The following KDM4C variants were observed in gnomAD, a reference collection of about 807,000 sequenced individuals.
KDM4C encodes the protein lysine-specific demethylase 4C.
A neutral mutation model predicts 129.3 loss-of-function variants in KDM4C; 81 were observed. The observed-to-expected ratio is 0.63, with a 90% CI of 0.52 to 0.75. The LOEUF (loss-of-function observed/expected upper bound fraction) is 0.75, where lower values mean the gene tolerates loss of function less well. Among genes scored for constraint, KDM4C ranks in the 30% least tolerant of loss-of-function variants. KDM4C has a pLI of 0.00. For missense variants in KDM4C, 1,457 were observed against 1,304.0 expected (o/e 1.12, Z -1.81); for synonymous variants, 573 against 456.1 (o/e 1.26, Z -3.26).
intron 8 of KDM4C, among the ~76,000 whole-genome samples, chr9:6,957,932 C>A (rs146270325): frequency 6.6e-6 from 1 of 152,052 alleles, no homozygotes; most frequent in African/African-American, 2.4e-5. Context: ...ACAGTGTTAT[C>A]GAAAGCCTGT....
intron 5 of KDM4C, among the ~76,000 whole-genome samples, chr9:6,867,265 C>G (rs1416411944): frequency 2.0e-5 from 3 of 152,078 alleles, no homozygotes; most frequent in African/African-American, 7.2e-5. Flanking sequence ...CCGCCCACCT[C>G]GGCCTCTGAA....
In KDM4C at chr9:7,055,224, A is replaced by G. The variant is rs140963289; in HGVS notation, c.2424+6024A>G. ...ATTTGGCATTGTTCATGGGTCACAA[A>G]TGCATCCGTCCTCACAGTGGTGTAG... On this transcript the variant is annotated intron_variant, in intron 17 of 21. Coordinates refer to ENST00000381309, the MANE Select transcript of KDM4C (RefSeq NM_015061.6). Among the ~76,000 whole-genome samples the G allele has an allele frequency of 2.4e-3, 371 of 152,300 alleles. 9 individuals carry two copies. In the East Asian group the frequency reaches 0.025, roughly 10 times the overall value.
chr9:7,110,052 C>T (rs1284202724), intron 18 of KDM4C, among the ~76,000 whole-genome samples: 1 of 152,176 alleles, frequency 6.6e-6, no homozygotes, highest in East Asian at 1.9e-4. Context: ...AACCTCTTTC[C>T]TTTGTAAATT....
chr9:6,795,721 G>A (rs1427135505), intron 2 of KDM4C, among the ~76,000 whole-genome samples: 2 of 151,626 alleles, frequency 1.3e-5, no homozygotes, highest in Non-Finnish European at 2.9e-5. Context: ...ACCCAAGCTG[G>A]AGTGCAGTGG....
chr9:6,737,811 G>A (rs958924309), intron 1 of KDM4C, among the ~76,000 whole-genome samples: 1 of 151,868 alleles, frequency 6.6e-6, no homozygotes, highest in African/African-American at 2.4e-5. Context: ...ACTCACACCA[G>A]TCAGAATGAC....
chr9:6,793,260 A>G lies in KDM4C; in HGVS notation c.144+128A>G. On this transcript the variant is annotated intron_variant, in intron 2 of 21. Coordinates refer to ENST00000381309, the MANE Select transcript of KDM4C (RefSeq NM_015061.6). ...GCAAAATCTTTGTTCTCGTTAATCC[A>G]TGTGAAACATTTGATTTCTTCAAAT... 4.8e-6 allele frequency: 4 copies of G among 840,294 alleles called. No homozygotes were observed. The South Asian group carries it at 7.1e-5, about 15-fold the overall frequency. 52.1% of individuals were successfully genotyped at this position (840,294 alleles called of 1,614,324 possible).
chr9:7,086,884 T>G (rs1835181068), intron 17 of KDM4C, among the ~76,000 whole-genome samples: 1 of 152,180 alleles, frequency 6.6e-6, no homozygotes, highest in East Asian at 1.9e-4. Context: ...TCCTGTCCCC[T>G]CTCCTTCACA....
At chr9:6,910,076 A>G (rs1819008940) in intron 8 of KDM4C, among the ~76,000 whole-genome samples, 1 of 152,218 alleles carries the variant, frequency 6.6e-6, no homozygotes, top group African/African-American at 2.4e-5. Context: ...TTGAAGCTGA[A>G]TATAAAATGT....
Position 7,007,279 on chromosome 9 carries a change from C to CT in KDM4C, c.1787-4417dup, listed in dbSNP as rs557001715. 5.3e-5 allele frequency among the ~76,000 whole-genome samples: 8 copies of CT among 152,302 alleles called. No individual in the cohort carries two copies. The East Asian group carries it at 1.5e-3, about 29-fold the overall frequency. Reference sequence around the variant, plus strand: ...TCATGGTTTTCTTGACTGCATGTTACTTGCTACAAGGAATGACAATGTTTT... The same window carrying CT: ...TCATGGTTTTCTTGACTGCATGTTACTTTGCTACAAGGAATGACAATGTTTT... On this transcript the variant is annotated intron_variant, in intron 12 of 21. Coordinates refer to ENST00000381309, the MANE Select transcript of KDM4C (RefSeq NM_015061.6).
intron 1 of KDM4C, among the ~76,000 whole-genome samples, chr9:6,779,907 T>C (rs1047416800): frequency 5.9e-5 from 9 of 152,214 alleles, no homozygotes; most frequent in African/African-American, 2.2e-4. Flanking sequence ...GTGTAATCTT[T>C]ATGAAATTAA....
chr9:7,086,253 A>G (rs1015546855), intron 17 of KDM4C, among the ~76,000 whole-genome samples: 36 of 152,314 alleles, frequency 2.4e-4, no homozygotes, highest in African/African-American at 7.7e-4. Context: ...ATATTTCTGT[A>G]TTTTATAACT....
chr9:6,934,330 A>G (rs1444911520), intron 8 of KDM4C, among the ~76,000 whole-genome samples: 1 of 144,990 alleles, frequency 6.9e-6, no homozygotes, highest in Admixed American at 6.8e-5. Flanking sequence ...AAAATAAAAA[A>G]ATTAGCCGTT....
intron 19 of KDM4C, among the ~76,000 whole-genome samples, chr9:7,150,692 C>T (rs1363781209): frequency 1.3e-5 from 2 of 152,110 alleles, no homozygotes; most frequent in Admixed American, 1.3e-4. Context: ...CCCTGCAGGC[C>T]CTTTTGGGTG....
intron 18 of KDM4C, among the ~76,000 whole-genome samples, chr9:7,106,252 A>G (rs975108651): frequency 6.6e-6 from 1 of 152,224 alleles, no homozygotes; most frequent in African/African-American, 2.4e-5. Context: ...CTTATCAAGC[A>G]TAGAAAAGTT....
At position 7,046,859 on chromosome 9, in the gene KDM4C, C is replaced by T. The variant is rs753519218; in HGVS notation, c.2260-3C>T. 5 of 1,604,556 alleles carry T rather than the reference C, an allele frequency of 3.1e-6. No homozygotes were observed. The highest frequency in any genetic ancestry group is 1.7e-4 in the Middle Eastern group (1 of 6,038). On this transcript the variant is annotated splice_polypyrimidine_tract_variant and splice_region_variant and intron_variant, in intron 15 of 21. Coordinates refer to ENST00000381309, the MANE Select transcript of KDM4C (RefSeq NM_015061.6). ...ATCATGTGGTATTTTCTTTTCCCCC[C>T]AGGAATGCTGTCTCTGCAATTTGAG...
chr9:6,847,958 T>C (rs1434727429), intron 4 of KDM4C, among the ~76,000 whole-genome samples: 2 of 152,208 alleles, frequency 1.3e-5, no homozygotes, highest in East Asian at 1.9e-4. Context: ...TAAAAGCTTT[T>C]AGTGTGTTCA....
intron 17 of KDM4C, among the ~76,000 whole-genome samples, chr9:7,079,784 C>G (rs999693588): frequency 6.6e-6 from 1 of 152,156 alleles, no homozygotes; most frequent in Non-Finnish European, 1.5e-5. Context: ...TAAATGAAGA[C>G]TTTCCTAGAA....
intron 17 of KDM4C, chr9:7,076,619 C>T: frequency 7.1e-7 from 1 of 1,408,154 alleles, no homozygotes; most frequent in Non-Finnish European, 9.2e-7. Flanking sequence ...GCCTGAGCTC[C>T]TGATTGAGTC....
intron 21 of KDM4C, chr9:7,170,496 G>C: frequency 1.0e-6 from 1 of 979,492 alleles, no homozygotes; most frequent in South Asian, 4.7e-5. Flanking sequence ...ATTAAAAGAT[G>C]AACAAACATG....
Sources: gnomAD v4.1 joint callset for allele counts (sites outside exome capture counted in the v4.1 genomes callset) on GRCh38, gnomAD v4.1.1 for gene constraint, MANE v1.5 for transcripts, NCBI Gene and HGNC (gene_info 2026-07-23, HGNC 2026-07-21) for gene names.